Variants in BDKRB2 observed in about 807,000 individuals in gnomAD.
BDKRB2 encodes bradykinin receptor B2, also known as B2 bradykinin receptor.
A neutral mutation model predicts 4.0 loss-of-function variants in BDKRB2; 6 were observed. That is an observed-to-expected ratio of 1.49 (90% CI 0.81 to 2.93). The LOEUF is 2.93. BDKRB2 is among the 30% of genes most tolerant of loss of function. BDKRB2 has a pLI of 0.00. For synonymous variants in BDKRB2, 225 were observed against 215.3 expected, an observed-to-expected ratio of 1.05 and a Z score of -0.40; for missense variants, 478 against 520.1, an observed-to-expected ratio of 0.92 and a Z score of 0.79.
intron 1 of BDKRB2, among the ~76,000 whole-genome samples, chr14:96,232,595 G>A (rs1890842022): frequency 6.6e-6 from 1 of 152,206 alleles, no homozygotes; most frequent in Admixed American, 6.5e-5. Context: ...CAAAATAAAA[G>A]CAATAGAATG....
chr14:96,238,356 C>A (rs1482936040), intron 2 of BDKRB2: 4 of 683,452 alleles, frequency 5.9e-6, no homozygotes, highest in African/African-American at 2.0e-5. Flanking sequence ...AATCACACAC[C>A]ATCCCTGCCA....
chr14:96,226,171 G>C (rs1299659731), intron 1 of BDKRB2, among the ~76,000 whole-genome samples: 1 of 152,220 alleles, frequency 6.6e-6, no homozygotes, highest in Non-Finnish European at 1.5e-5. Flanking sequence ...CAGGAAAGTG[G>C]AATGAGGACA....
At chr14:96,229,579 C>T (rs1314108824) in intron 1 of BDKRB2, among the ~76,000 whole-genome samples, 1 of 152,080 alleles carries the variant, frequency 6.6e-6, no homozygotes, top group Non-Finnish European at 1.5e-5. Flanking sequence ...ACTGCTTCAC[C>T]CCAACACCAA....
At chr14:96,214,618 G>C (rs1037802418) in intron 1 of BDKRB2, 1 of 152,446 alleles carries the variant, frequency 6.6e-6, no homozygotes, top group African/African-American at 2.4e-5. Flanking sequence ...CAGAGTCGGG[G>C]TGGCCTCAGG....
chr14:96,241,733 G>A lies in BDKRB2; in HGVS notation c.*229G>A. On this transcript the variant is annotated 3_prime_UTR_variant, in exon 3 of 3. Coordinates refer to ENST00000554311, the MANE Select transcript of BDKRB2 (RefSeq NM_001379692.1). ...AGCCAAGGACTCCAAAATCACAACAGCATTACTGTTCTTATTTGCTGCCAC... is the reference window on the plus strand; with the variant it reads ...AGCCAAGGACTCCAAAATCACAACAACATTACTGTTCTTATTTGCTGCCAC... 1.8e-6 allele frequency: 1 copy of A among 568,292 alleles called. No individual in the cohort carries two copies. The highest frequency in any genetic ancestry group is 2.7e-6 in the Non-Finnish European group (1 of 368,446). The allele number at this position is 568,292 out of a possible 1,614,324, so 35.2% of individuals were successfully genotyped here. A position where few individuals can be genotyped will look rare whatever the true frequency, so the allele number is the denominator to read the frequency against.
At chr14:96,235,393 A>T (rs1890908558) in intron 1 of BDKRB2, among the ~76,000 whole-genome samples, 1 of 149,750 alleles carries the variant, frequency 6.7e-6, no homozygotes, top group Admixed American at 6.7e-5. Context: ...CAAACACATG[A>T]TCTCTCACCA....
At chr14:96,232,250 A>T (rs1890834705) in intron 1 of BDKRB2, among the ~76,000 whole-genome samples, 1 of 152,234 alleles carries the variant, frequency 6.6e-6, no homozygotes, top group African/African-American at 2.4e-5. Context: ...GGCTGTTTAA[A>T]ATACCAATCC....
At chr14:96,237,691 C>T in intron 2 of BDKRB2, 1 of 1,288,476 alleles carries the variant, frequency 7.8e-7, no homozygotes, top group Non-Finnish European at 1.0e-6. Context: ...GAGGGGTCCA[C>T]TCCAACCTCT....
chr14:96,230,400 T>A (rs1424905671), intron 1 of BDKRB2, among the ~76,000 whole-genome samples: 1 of 152,190 alleles, frequency 6.6e-6, no homozygotes, highest in East Asian at 1.9e-4. Context: ...TATTCTTTTA[T>A]TTTTATGTTT....
At chr14:96,239,270 C>G (rs929031202) in intron 2 of BDKRB2, 125 of 974,864 alleles carry the variant, frequency 1.3e-4, no homozygotes, top group Non-Finnish European at 1.5e-4. Flanking sequence ...TTGCAACAGC[C>G]ATGAAAAAAG....
Position 96,219,803 on chromosome 14 carries a change from G to A in BDKRB2, c.-40+14844G>A, listed in dbSNP as rs575126656. On this transcript the variant is annotated intron_variant, in intron 1 of 2. Coordinates refer to ENST00000554311, the MANE Select transcript of BDKRB2 (RefSeq NM_001379692.1). ...CTGACAGCCATATAGGAGCACTGGG[G>A]CTGGGGTGTCTCTACGGTGCCTGGG... Among the ~76,000 whole-genome samples, 3 of 152,104 alleles carry A rather than the reference G, an allele frequency of 2.0e-5. No homozygotes were observed. In the South Asian group the frequency reaches 6.2e-4, roughly 32 times the overall value.
At chr14:96,218,918 C>CA (rs1479172825) in intron 1 of BDKRB2, among the ~76,000 whole-genome samples, 12 of 151,014 alleles carry the variant, frequency 7.9e-5, no homozygotes, top group African/African-American at 2.0e-4. Flanking sequence ...GACCCCATTT[C>CA]AAAAAAAACA....
At chr14:96,235,273 G>A (rs920612018) in intron 1 of BDKRB2, among the ~76,000 whole-genome samples, 2 of 145,600 alleles carry the variant, frequency 1.4e-5, no homozygotes, top group African/African-American at 2.6e-5. Context: ...GCTTGAACCC[G>A]GGAGGCAGAG....
chr14:96,243,117 G>C lies in BDKRB2; in HGVS notation c.*1613G>C, dbSNP rs1032434405. ...CTAGAAGCTGGAGGACTAGAACCTG[G>C]AGGGCTGGAATCTGGAGAGCTAGAA... On this transcript the variant is annotated 3_prime_UTR_variant, in exon 3 of 3. Transcript: ENST00000554311. 1 of 155,570 alleles carries C rather than the reference G, an allele frequency of 6.4e-6. No individual in the cohort carries two copies. The highest frequency in any genetic ancestry group is 6.5e-5 in the Admixed American group (1 of 15,296). The allele number at this position is 155,570 out of a possible 1,614,324, so 9.6% of individuals were successfully genotyped here.
chr14:96,237,534 A>G (rs1890964711), intron 2 of BDKRB2, among the ~76,000 whole-genome samples: 1 of 152,214 alleles, frequency 6.6e-6, no homozygotes, highest in Non-Finnish European at 1.5e-5. Context: ...GAGACAAAAT[A>G]TCTCCAACAC....
intron 1 of BDKRB2, among the ~76,000 whole-genome samples, chr14:96,222,679 A>C (rs1890603116): frequency 6.6e-6 from 1 of 152,138 alleles, no homozygotes. Flanking sequence ...GACCAGCCAC[A>C]TGCAGTCACC....
rs1017854970 is a variant in BDKRB2 at position 96,242,512 on chromosome 14, T to C, written c.*1008T>C. On this transcript the variant is annotated 3_prime_UTR_variant, in exon 3 of 3. Coordinates refer to ENST00000554311, the MANE Select transcript of BDKRB2 (RefSeq NM_001379692.1). ...ACACTGAGGTCTAGAAATAGCTCCG[T>C]GGAGCAGAATCAGTATTGGGAGCCG... 6.6e-6 allele frequency: 1 copy of C among 152,252 alleles called. No homozygotes were observed. The highest frequency in any genetic ancestry group is 2.4e-5 in the African/African-American group (1 of 41,462). 9.4% of individuals were successfully genotyped at this position (152,252 alleles called of 1,614,324 possible). A position where few individuals can be genotyped will look rare whatever the true frequency, so the allele number is the denominator to read the frequency against.
intron 1 of BDKRB2, among the ~76,000 whole-genome samples, chr14:96,222,471 G>C (rs1890596570): frequency 6.6e-6 from 1 of 151,994 alleles, no homozygotes. Context: ...AGCCTATCCA[G>C]CCACCACCAA....
chr14:96,237,909 A>C, intron 2 of BDKRB2: 1 of 1,262,932 alleles, frequency 7.9e-7, no homozygotes, highest in East Asian at 5.6e-5. Context: ...ATCTGGTGCT[A>C]TACTTTGGTC....
Sources: gnomAD v4.1 joint callset for allele counts (sites outside exome capture counted in the v4.1 genomes callset) on GRCh38, gnomAD v4.1.1 for gene constraint, MANE v1.5 for transcripts, NCBI Gene and HGNC (gene_info 2026-07-23, HGNC 2026-07-21) for gene names.